XRN1: variants seen among roughly 807,000 people sequenced by gnomAD.
XRN1 encodes the protein strand-exchange protein 1 homolog.
XRN1 carries 67 observed loss-of-function variants against 222.3 expected under a neutral mutation model. That is an observed-to-expected ratio of 0.30 (90% CI 0.25 to 0.37). The LOEUF (loss-of-function observed/expected upper bound fraction) is 0.37. Ranked by LOEUF, XRN1 falls within the 10% of genes least tolerant of loss-of-function variation. The pLI is 1.00. For missense variants in XRN1, 1,707 were observed against 2,000.2 expected (o/e 0.85, Z 2.80); for synonymous variants, 643 against 652.4 (o/e 0.99, Z 0.22).
intron 31 of XRN1, among the ~76,000 whole-genome samples, chr3:142,356,535 C>T (rs7644891): frequency 0.018 from 2,771 of 152,238 alleles, 66 homozygotes; most frequent in African/African-American, 0.057. Flanking sequence ...TTTTGATAAA[C>T]GTGATATAAT....
chr3:142,370,643 T>A (rs1456102714), intron 26 of XRN1, 23 bp from the exon 27 acceptor site: 1 of 1,548,272 alleles, frequency 6.5e-7, no homozygotes, highest in African/African-American at 1.4e-5. Flanking sequence ...CAATAATTTT[T>A]AAAATTTGAT....
chr3:142,359,999 T>C (rs1315182307), intron 29 of XRN1, 68 bp from the exon 30 acceptor site: 2 of 1,039,770 alleles, frequency 1.9e-6, no homozygotes, highest in East Asian at 2.5e-5. Flanking sequence ...AGATAAGTTT[T>C]TGGAGTGTTT....
intron 1 of XRN1, among the ~76,000 whole-genome samples, chr3:142,436,813 T>A (rs1455609380): frequency 2.0e-5 from 3 of 152,188 alleles, no homozygotes; most frequent in Non-Finnish European, 4.4e-5. Flanking sequence ...AATATTTATT[T>A]ACATACGTAT....
chr3:142,404,579 T>C (rs2068274107), intron 16 of XRN1, among the ~76,000 whole-genome samples: 1 of 152,024 alleles, frequency 6.6e-6, no homozygotes, highest in East Asian at 1.9e-4. Context: ...GCAGAAACAC[T>C]GACAATGGAA....
rs764602779 is a variant in XRN1 at position 142,311,659 on chromosome 3, G to A, written c.4937C>T (p.Pro1646Leu). 5 of 1,614,104 alleles carry A rather than the reference G, an allele frequency of 3.1e-6. No homozygotes were observed. The highest frequency in any genetic ancestry group is 1.7e-5 in the Admixed American group (1 of 60,020). ...AAAAGAAGATGCAGGTTGAGCAATC[G>A]GAGAGGACTTCAAAGAAGCTGATGA... ...ESSSASLKSS[P>L]IAQPASSFQV... is the part of the protein sequence containing the mutation. The change falls in exon 41 of 41, where the codon CCG becomes CTG. Residue 1646 changes from proline (P) to leucine (L), a missense_variant. By Grantham distance (98) the Pro-to-Leu change is moderately conservative (BLOSUM62 -3). Coordinates refer to ENST00000392981, the MANE Select transcript of XRN1 (RefSeq NM_001282857.2).
chr3:142,390,034 G>A (rs146144928), intron 20 of XRN1, among the ~76,000 whole-genome samples: 1 of 152,308 alleles, frequency 6.6e-6, no homozygotes, highest in African/African-American at 2.4e-5. Flanking sequence ...ACTATGACCA[G>A]TAGGTCTCAA....
At chr3:142,406,614 C>A (rs943304538) in intron 15 of XRN1, among the ~76,000 whole-genome samples, 2 of 152,150 alleles carry the variant, frequency 1.3e-5, no homozygotes, top group Admixed American at 1.3e-4. Flanking sequence ...GCAGCCTCAA[C>A]CTCCTGGGCT....
chr3:142,426,667 A>G (rs1173291937), intron 3 of XRN1, 77 bp downstream of exon 3: 11 of 1,396,770 alleles, frequency 7.9e-6, no homozygotes, highest in Middle Eastern at 1.8e-4. Context: ...TAGAGCATAG[A>G]AAATAAAATA....
At chr3:142,358,563 T>A (rs2066528254) in intron 30 of XRN1, among the ~76,000 whole-genome samples, 1 of 152,128 alleles carries the variant, frequency 6.6e-6, no homozygotes, top group African/African-American at 2.4e-5. Flanking sequence ...CAGCTCTCTA[T>A]CAGTCAGTAA....
At position 142,357,088 on chromosome 3, in the gene XRN1, T is replaced by A; in HGVS notation, c.3496A>T (p.Thr1166Ser). 1 of 1,613,268 alleles carries A rather than the reference T, an allele frequency of 6.2e-7. No homozygotes were observed. The highest frequency in any genetic ancestry group is 1.1e-5 in the South Asian group (1 of 90,894). ...CSPGRGYRLPTSALVNLSHGS... is the reference protein window; with the variant it reads ...CSPGRGYRLPSSALVNLSHGS... ...TGAGAAAGGTTCACCAAGGCACTTG[T>A]TGGCAGTCGATAACCTCTACCAGGT... The change falls in exon 31 of 41, where the codon ACA (threonine) becomes TCA (serine). Residue 1166 changes from threonine (T) to serine (S), a missense_variant. Around this residue, in one of 2 missense-constraint regions of XRN1, gnomAD observed 1,234 missense variants for 1,518.2 expected, o/e 0.81. Transcript: ENST00000392981.
intron 25 of XRN1, among the ~76,000 whole-genome samples, chr3:142,374,922 A>T (rs2067096767): frequency 1.3e-5 from 2 of 152,198 alleles, no homozygotes; most frequent in Admixed American, 6.5e-5. Flanking sequence ...AAAAAGGGGA[A>T]ATTAGGACAC....
In XRN1 at chr3:142,421,165, T is replaced by C. The variant is rs762766008; in HGVS notation, c.1036-12A>G. ...TGCTCCCGATCAAACTGTACAGAAA[T>C]ATTTAAATTTATTTTTAAATAATTT... On this transcript the variant is annotated splice_polypyrimidine_tract_variant and intron_variant, in intron 9 of 40. Coordinates refer to ENST00000392981, the MANE Select transcript of XRN1 (RefSeq NM_001282857.2). 1 of 1,541,608 alleles carries C rather than the reference T, an allele frequency of 6.5e-7. No homozygotes were observed. The highest frequency in any genetic ancestry group is 8.7e-7 in the Non-Finnish European group (1 of 1,150,028).
At chr3:142,431,875 T>TATATTA (rs1553744626) in intron 2 of XRN1, among the ~76,000 whole-genome samples, 1 of 32,102 alleles carries the variant, frequency 3.1e-5, no homozygotes, top group African/African-American at 1.4e-4. Context: ...ATATATTATA[T>TATATTA]TATATATATT....
At chr3:142,421,770 A>G (rs2069045068) in intron 8 of XRN1, among the ~76,000 whole-genome samples, 1 of 152,252 alleles carries the variant, frequency 6.6e-6, no homozygotes, top group Admixed American at 6.5e-5. Context: ...CAGGTTCCAC[A>G]TAATAATCCA....
chr3:142,371,354 C>T, intron 25 of XRN1, 26 bp from the exon 26 acceptor site: 2 of 1,532,068 alleles, frequency 1.3e-6, no homozygotes, highest in Non-Finnish European at 1.8e-6. Context: ...AAAATATTGT[C>T]TTAAAATATA....
In XRN1 at chr3:142,400,490, G is replaced by A. The variant is rs754946595; in HGVS notation, c.2161C>T (p.His721Tyr). ...GCCACGACTCTAGCTTCCTCAAGGT[G>A]AGGCCAATTAACAAAGACAGATTTT... is the stretch of plus-strand genomic sequence containing the variant. ...LGKSVFVNWP[H>Y]LEEARVVAVS... is the part of the protein sequence containing the mutation. The change falls in exon 19 of 41, where the codon CAC becomes TAC. Residue 721 changes from histidine (H) to tyrosine (Y), a missense_variant. By Grantham distance (83) the His-to-Tyr change is moderately conservative. Around this residue, in one of 2 missense-constraint regions of XRN1, gnomAD observed 1,234 missense variants for 1,518.2 expected, o/e 0.81. Coordinates refer to ENST00000392981, the MANE Select transcript of XRN1 (RefSeq NM_001282857.2). 5 of 1,612,172 alleles carry A rather than the reference G, an allele frequency of 3.1e-6. No individual in the cohort carries two copies. Among genetic ancestry groups the A allele is most frequent in the South Asian group, 1.1e-5 (1 of 90,594 alleles).
At chr3:142,378,509 G>A (rs956826273) in intron 23 of XRN1, among the ~76,000 whole-genome samples, 2 of 152,122 alleles carry the variant, frequency 1.3e-5, no homozygotes, top group South Asian at 2.1e-4. Context: ...CACACTTTTA[G>A]AAATTAAAAT....
chr3:142,444,751 C>G (rs991594559), intron 1 of XRN1, among the ~76,000 whole-genome samples: 2 of 152,020 alleles, frequency 1.3e-5, no homozygotes, highest in Admixed American at 6.6e-5. Context: ...TGGATGGATA[C>G]TCCATTCTCC....
At chr3:142,376,830 G>T (rs903379725) in intron 23 of XRN1, among the ~76,000 whole-genome samples, 1 of 152,084 alleles carries the variant, frequency 6.6e-6, no homozygotes, top group African/African-American at 2.4e-5. Context: ...TGGATAAAAG[G>T]GGGGAGGAAA....
Sources: gnomAD v4.1 joint callset for allele counts (sites outside exome capture counted in the v4.1 genomes callset) on GRCh38, gnomAD v4.1.1 for gene constraint, gnomAD v4.1.1 regional missense constraint, MANE v1.5 for transcripts, NCBI Gene and HGNC (gene_info 2026-07-23, HGNC 2026-07-21) for gene names.